Variants in CADM2 observed in about 807,000 individuals in gnomAD.
CADM2 encodes the protein cell adhesion molecule 2.
Under a neutral mutation model 49.8 loss-of-function variants are expected in CADM2, and 12 were observed. That is an observed-to-expected ratio of 0.24 (90% CI 0.15 to 0.39). The LOEUF (loss-of-function observed/expected upper bound fraction) is 0.39, where lower values mean the gene tolerates loss of function less well. Ranked by LOEUF, CADM2 falls within the 10% of genes least tolerant of loss-of-function variation. CADM2 has a pLI of 1.00. For synonymous variants in CADM2, 214 were observed against 175.4 expected, an observed-to-expected ratio of 1.22 and a Z score of -1.74; for missense variants, 378 against 492.3, an observed-to-expected ratio of 0.77 and a Z score of 2.20.
intron 1 of CADM2, among the ~76,000 whole-genome samples, chr3:84,988,240 A>G (rs1559604422): frequency 6.6e-6 from 1 of 152,230 alleles, no homozygotes; most frequent in Non-Finnish European, 1.5e-5. Flanking sequence ...GTTAGATACC[A>G]GATCTTAGTA....
At chr3:85,197,132 A>G (rs2107736860) in intron 1 of CADM2, among the ~76,000 whole-genome samples, 1 of 152,086 alleles carries the variant, frequency 6.6e-6, no homozygotes, top group Non-Finnish European at 1.5e-5. Context: ...TTGAAGAAGG[A>G]AGAATCAAAT....
Position 85,657,763 on chromosome 3 carries a change from T to G in CADM2, c.62-68759T>G, listed in dbSNP as rs1333827469. Among the ~76,000 whole-genome samples, 3 of 122,246 alleles carry G rather than the reference T, an allele frequency of 2.5e-5. No homozygotes were observed. In the East Asian group the frequency reaches 6.3e-4, roughly 26 times the overall value. 80.2% of individuals were successfully genotyped at this position (122,246 alleles called of 152,430 possible). On this transcript the variant is annotated intron_variant, in intron 1 of 9. Coordinates refer to ENST00000383699, the MANE Select transcript of CADM2 (RefSeq NM_001167675.2). ...ATACAGATATATATATATACACAGA[T>G]ATATATATATATACATATACATGTT... is the stretch of plus-strand genomic sequence containing the variant.
chr3:85,403,648 G>T (rs1576491197), intron 1 of CADM2, among the ~76,000 whole-genome samples: 1 of 152,064 alleles, frequency 6.6e-6, no homozygotes, highest in East Asian at 1.9e-4. Flanking sequence ...AATGCAACTA[G>T]TTCAGGTATT....
intron 1 of CADM2, among the ~76,000 whole-genome samples, chr3:85,101,883 A>G (rs1357828126): frequency 6.6e-6 from 1 of 152,146 alleles, no homozygotes; most frequent in African/African-American, 2.4e-5. Flanking sequence ...GTTGATGTCA[A>G]GGCAGGTTGT....
chr3:85,851,892 T>C (rs1559700703), intron 3 of CADM2, among the ~76,000 whole-genome samples: 1 of 151,942 alleles, frequency 6.6e-6, no homozygotes, highest in Non-Finnish European at 1.5e-5. Flanking sequence ...TAATGAAGAA[T>C]GAAGGAGAAC....
intron 1 of CADM2, among the ~76,000 whole-genome samples, chr3:85,315,023 C>T (rs1036953418): frequency 1.3e-5 from 2 of 152,138 alleles, no homozygotes; most frequent in African/African-American, 4.8e-5. Flanking sequence ...GTTGGCAGGG[C>T]CATGCTTGCT....
At chr3:85,150,266 G>C (rs376388830) in intron 1 of CADM2, among the ~76,000 whole-genome samples, 3 of 152,234 alleles carry the variant, frequency 2.0e-5, no homozygotes, top group African/African-American at 2.4e-5. Flanking sequence ...GTTTTCATAA[G>C]GGGCTTTTTC....
intron 8 of CADM2, among the ~76,000 whole-genome samples, chr3:85,999,195 C>A: frequency 6.6e-6 from 1 of 151,060 alleles, no homozygotes; most frequent in Middle Eastern, 3.5e-3. Context: ...GTGTGATAAC[C>A]TGAAAAGTAC....
At chr3:85,340,699 T>C (rs2045215827) in intron 1 of CADM2, among the ~76,000 whole-genome samples, 1 of 151,676 alleles carries the variant, frequency 6.6e-6, no homozygotes, top group Admixed American at 6.6e-5. Context: ...ATATTTAGGC[T>C]TTACCTCTTT....
intron 1 of CADM2, among the ~76,000 whole-genome samples, chr3:85,241,795 G>A (rs1364645308): frequency 6.6e-6 from 1 of 151,336 alleles, no homozygotes; most frequent in Non-Finnish European, 1.5e-5. Flanking sequence ...CTTTCAGGTA[G>A]GTCATTTACT....
chr3:85,752,872 G>A (rs2068928745), intron 2 of CADM2, among the ~76,000 whole-genome samples: 1 of 152,016 alleles, frequency 6.6e-6, no homozygotes, highest in Non-Finnish European at 1.5e-5. Flanking sequence ...AAAAACATTG[G>A]CCAATTAAGA....
intron 1 of CADM2, among the ~76,000 whole-genome samples, chr3:85,584,366 T>C (rs2062878792): frequency 6.6e-6 from 1 of 152,060 alleles, no homozygotes; most frequent in Non-Finnish European, 1.5e-5. Context: ...ATTTTTATAC[T>C]AAGATATAAA....
chr3:85,768,740 T>C (rs186786093), intron 2 of CADM2, among the ~76,000 whole-genome samples: 2,052 of 142,048 alleles, frequency 0.014, 58 homozygotes, highest in African/African-American at 0.051. Flanking sequence ...TACACATATA[T>C]ACACATATAT....
At chr3:85,114,080 A>C (rs2038557096) in intron 1 of CADM2, among the ~76,000 whole-genome samples, 1 of 152,080 alleles carries the variant, frequency 6.6e-6, no homozygotes, top group African/African-American at 2.4e-5. Context: ...ATCCATAATT[A>C]GTCTCTGTGG....
At chr3:85,565,271 A>G (rs2062224386) in intron 1 of CADM2, among the ~76,000 whole-genome samples, 1 of 152,078 alleles carries the variant, frequency 6.6e-6, no homozygotes, top group African/African-American at 2.4e-5. Flanking sequence ...ATTTTAAACT[A>G]TTTGCATTAA....
chr3:85,310,658 G>A (rs1406734885), intron 1 of CADM2, among the ~76,000 whole-genome samples: 1 of 152,070 alleles, frequency 6.6e-6, no homozygotes, highest in Admixed American at 6.6e-5. Flanking sequence ...TGGGAAAAAA[G>A]GTTTATGCTT....
At chr3:85,103,586 T>C (rs576086436) in intron 1 of CADM2, among the ~76,000 whole-genome samples, 1 of 152,252 alleles carries the variant, frequency 6.6e-6, no homozygotes, top group South Asian at 2.1e-4. Context: ...AATAACCGAA[T>C]GGGAGTTCAG....
chr3:85,615,709 G>C (rs899620169), intron 1 of CADM2, among the ~76,000 whole-genome samples: 1 of 151,458 alleles, frequency 6.6e-6, no homozygotes, highest in Non-Finnish European at 1.5e-5. Context: ...CAAATGACAT[G>C]GATGCAAATT....
intron 1 of CADM2, among the ~76,000 whole-genome samples, chr3:85,669,528 T>C (rs2065673918): frequency 6.6e-6 from 1 of 152,148 alleles, no homozygotes; most frequent in South Asian, 2.1e-4. Flanking sequence ...GTATTTATGA[T>C]TGTCATAGAA....
Sources: allele counts gnomAD v4.1 joint callset (sites outside exome capture counted in the v4.1 genomes callset), GRCh38; gene constraint gnomAD v4.1.1; transcripts MANE v1.5; gene names NCBI Gene and HGNC (gene_info 2026-07-23, HGNC 2026-07-21).